ATP8B4: variants seen among roughly 807,000 people sequenced by gnomAD.
The protein encoded by ATP8B4 is probable phospholipid-transporting ATPase IM.
ATP8B4 carries 133 observed loss-of-function variants against 145.6 expected under a neutral mutation model. The ratio of observed to expected loss-of-function variants is 0.91; its 90% CI spans 0.79 to 1.05. The LOEUF is 1.05. Ranked by LOEUF, ATP8B4 falls within the 50% of genes least tolerant of loss-of-function variation. The pLI is 0.00. For synonymous variants in ATP8B4, 507 were observed against 492.9 expected, an observed-to-expected ratio of 1.03 and a Z score of -0.38; for missense variants, 1,458 against 1,425.2, an observed-to-expected ratio of 1.02 and a Z score of -0.37.
chr15:50,172,464 A>G (rs1035032561), intron 1 of ATP8B4, among the ~76,000 whole-genome samples: 1 of 152,178 alleles, frequency 6.6e-6, no homozygotes, highest in Admixed American at 6.5e-5. Flanking sequence ...CCCAGGCTGG[A>G]GTGCAGCCGG....
At chr15:49,883,929 G>A (rs1447252080) in intron 23 of ATP8B4, among the ~76,000 whole-genome samples, 3 of 152,240 alleles carry the variant, frequency 2.0e-5, no homozygotes, top group Middle Eastern at 3.4e-3. Context: ...TCTCTCATGA[G>A]TCTGTATGAT....
intron 20 of ATP8B4, among the ~76,000 whole-genome samples, chr15:49,915,100 T>C (rs1191132579): frequency 2.0e-5 from 3 of 152,108 alleles, no homozygotes; most frequent in African/African-American, 7.2e-5. Context: ...AAATGTGGTG[T>C]ATACACATAC....
intron 2 of ATP8B4, among the ~76,000 whole-genome samples, chr15:50,097,693 T>C (rs1366694835): frequency 6.6e-6 from 1 of 152,050 alleles, no homozygotes; most frequent in Admixed American, 6.6e-5. Context: ...CCTATACAAG[T>C]CACCTCAGTA....
intron 2 of ATP8B4, among the ~76,000 whole-genome samples, chr15:50,101,430 A>G (rs1482732332): frequency 1.3e-5 from 2 of 152,136 alleles, no homozygotes; most frequent in Non-Finnish European, 2.9e-5. Context: ...AAAAGCAAGC[A>G]GAAGTAGCTA....
chr15:50,110,370 A>G (rs1476369327), intron 1 of ATP8B4, among the ~76,000 whole-genome samples: 1 of 152,242 alleles, frequency 6.6e-6, no homozygotes, highest in African/African-American at 2.4e-5. Context: ...TCTAGAAGCA[A>G]CATTTAGTCC....
At chr15:49,971,150 C>T (rs2045088262) in intron 13 of ATP8B4, among the ~76,000 whole-genome samples, 1 of 152,132 alleles carries the variant, frequency 6.6e-6, no homozygotes, top group Admixed American at 6.5e-5. Flanking sequence ...AAACATAAGA[C>T]CTAAAACCAT....
intron 1 of ATP8B4, among the ~76,000 whole-genome samples, chr15:50,113,940 T>C (rs1224023109): frequency 1.3e-5 from 2 of 151,404 alleles, no homozygotes; most frequent in African/African-American, 4.8e-5. Flanking sequence ...TTGTTATATT[T>C]ACTGTATAAC....
Position 50,022,368 on chromosome 15 carries a change from C to G in ATP8B4, c.363-11451G>C, listed in dbSNP as rs76794958. 1.2e-3 allele frequency among the ~76,000 whole-genome samples: 190 copies of G among 152,240 alleles called. 1 individual carries two copies. The highest frequency in any genetic ancestry group is 4.4e-3 in the African/African-American group (182 of 41,552). ...CATCCTCCTATACATTATATTGAAA[C>G]TAAAAACTTGGTTGTCTCCCTGCCC... On this transcript the variant is annotated intron_variant, in intron 6 of 27. Coordinates refer to ENST00000284509, the MANE Select transcript of ATP8B4 (RefSeq NM_024837.4).
rs768122903 is a variant in ATP8B4, at chr15:49,981,296, T to C, written c.749-2A>G. 1.7e-5 allele frequency: 27 copies of C among 1,594,052 alleles called. No homozygotes were observed. The Admixed American group carries it at 4.5e-4, about 26-fold the overall frequency. The stretch of plus-strand genomic sequence containing the variant: ...TCTGCATTAGTTTAGTGTCAGGACC[T>C]GCAAAAACAAAAAAAAGTAAATAAC... On this transcript the variant is annotated splice_acceptor_variant, in intron 10 of 27. Transcript: ENST00000284509. LOFTEE classifies it high-confidence loss of function.
chr15:50,047,326 T>C (rs766192637), intron 4 of ATP8B4, 25 bp downstream of exon 4: 3 of 1,376,352 alleles, frequency 2.2e-6, no homozygotes, highest in Non-Finnish European at 3.1e-6. Flanking sequence ...AAACAGATAA[T>C]AGAGAAATAC....
intron 2 of ATP8B4, among the ~76,000 whole-genome samples, chr15:50,089,110 C>T (rs1225331189): frequency 6.6e-6 from 1 of 152,048 alleles, no homozygotes; most frequent in Non-Finnish European, 1.5e-5. Context: ...TTCCTTATGC[C>T]TTATATGAAA....
intron 2 of ATP8B4, among the ~76,000 whole-genome samples, chr15:50,103,983 AG>A (rs1451185362): frequency 6.6e-6 from 1 of 152,180 alleles, no homozygotes; most frequent in Non-Finnish European, 1.5e-5. Flanking sequence ...AATGGGGGAA[AG>A]GATACCCAAT....
At chr15:50,043,809 C>T (rs915040066) in intron 5 of ATP8B4, among the ~76,000 whole-genome samples, 7 of 151,358 alleles carry the variant, frequency 4.6e-5, no homozygotes, top group Admixed American at 6.6e-5. Flanking sequence ...AAAAATTAGC[C>T]GGGCGCGGTG....
Position 50,066,062 on chromosome 15 carries a change from G to T in ATP8B4, c.87+8065C>A, listed in dbSNP as rs1012520154. Among the ~76,000 whole-genome samples the T allele has an allele frequency of 2.7e-5, 4 of 148,300 alleles. No homozygotes were observed. The South Asian group carries it at 8.5e-4, about 32-fold the overall frequency. ...AAATTAGGGAAACAAGAAACCAGAC[G>T]AATGCTTAGCCAAAGAATAACACTA... On this transcript the variant is annotated intron_variant, in intron 3 of 27. Coordinates refer to ENST00000284509, the MANE Select transcript of ATP8B4 (RefSeq NM_024837.4).
intron 6 of ATP8B4, among the ~76,000 whole-genome samples, chr15:50,023,797 GAAAAAAAAGAA>G (rs2153583456): frequency 1.1e-5 from 1 of 91,612 alleles, no homozygotes; most frequent in Admixed American, 1.1e-4. Flanking sequence ...AAAAAAAAAA[GAAAAAAAAGAA>G]AAAAAAAAAG....
chr15:50,025,207 C>G (rs955970353), intron 6 of ATP8B4, among the ~76,000 whole-genome samples: 1 of 152,202 alleles, frequency 6.6e-6, no homozygotes, highest in Non-Finnish European at 1.5e-5. Flanking sequence ...ATTAGCCTCT[C>G]CCCATATCTA....
At chr15:50,163,423 A>G (rs754248948) in intron 1 of ATP8B4, among the ~76,000 whole-genome samples, 3 of 152,174 alleles carry the variant, frequency 2.0e-5, no homozygotes, top group Non-Finnish European at 4.4e-5. Flanking sequence ...GATTTAGGAG[A>G]TCCCCTAGAT....
chr15:49,957,273 T>G (rs890642596), intron 14 of ATP8B4, among the ~76,000 whole-genome samples: 1 of 151,996 alleles, frequency 6.6e-6, no homozygotes, highest in African/African-American at 2.4e-5. Flanking sequence ...TAAGAAAAAA[T>G]TTAAAGTATT....
At chr15:50,134,639 T>C (rs1020018072) in intron 1 of ATP8B4, among the ~76,000 whole-genome samples, 1 of 152,238 alleles carries the variant, frequency 6.6e-6, no homozygotes, top group African/African-American at 2.4e-5. Flanking sequence ...CTTACAATTA[T>C]CCTAGTACAT....
Sources: gnomAD v4.1 joint callset for allele counts (sites outside exome capture counted in the v4.1 genomes callset) on GRCh38, gnomAD v4.1.1 for gene constraint, MANE v1.5 for transcripts, NCBI Gene and HGNC (gene_info 2026-07-23, HGNC 2026-07-21) for gene names.